GPC6: variants seen among roughly 807,000 people sequenced by gnomAD.
GPC6 encodes glypican-6.
Under a neutral mutation model 55.2 loss-of-function variants are expected in GPC6, and 14 were observed. That is an observed-to-expected ratio of 0.25 (90% CI 0.17 to 0.40). GPC6 has a LOEUF of 0.40. Ranked by LOEUF, GPC6 falls within the 10% of genes least tolerant of loss-of-function variation. The probability of loss-of-function intolerance (pLI) is 1.00; values close to 1 mark genes in which losing one functional copy is unlikely to be tolerated. For synonymous variants in GPC6, 278 were observed against 259.6 expected, an observed-to-expected ratio of 1.07 and a Z score of -0.68; for missense variants, 641 against 708.5, an observed-to-expected ratio of 0.90 and a Z score of 1.08.
intron 2 of GPC6, among the ~76,000 whole-genome samples, chr13:93,574,804 A>G (rs987797714): frequency 6.6e-6 from 1 of 152,288 alleles, no homozygotes; most frequent in Non-Finnish European, 1.5e-5. Context: ...TGAATATTTC[A>G]TATAAATAGA....
At chr13:93,893,169 C>G (rs1425454689) in intron 3 of GPC6, among the ~76,000 whole-genome samples, 1 of 151,610 alleles carries the variant, frequency 6.6e-6, no homozygotes, top group Non-Finnish European at 1.5e-5. Context: ...AAGCAATTCT[C>G]CTGCCTCAGC....
chr13:93,496,667 C>G (rs1400392042), intron 1 of GPC6, among the ~76,000 whole-genome samples: 1 of 152,166 alleles, frequency 6.6e-6, no homozygotes, highest in Non-Finnish European at 1.5e-5. Flanking sequence ...ACTTTGGAGC[C>G]AGATTGTCTG....
chr13:94,052,410 G>T (rs978006689), intron 4 of GPC6, among the ~76,000 whole-genome samples: 4 of 152,064 alleles, frequency 2.6e-5, no homozygotes, highest in Non-Finnish European at 4.4e-5. Flanking sequence ...AATGCCTAAC[G>T]GTATCATTAT....
chr13:93,716,952 C>T (rs539776445), intron 2 of GPC6, among the ~76,000 whole-genome samples: 1 of 151,702 alleles, frequency 6.6e-6, no homozygotes, highest in South Asian at 2.1e-4. Context: ...CAATTGACTA[C>T]AGTAGTCAGT....
At chr13:94,373,333 G>A (rs540129721) in intron 6 of GPC6, among the ~76,000 whole-genome samples, 32 of 151,870 alleles carry the variant, frequency 2.1e-4, no homozygotes, top group African/African-American at 7.5e-4. Flanking sequence ...TTAGAAGAAT[G>A]TATAACTAGA....
intron 4 of GPC6, among the ~76,000 whole-genome samples, chr13:94,081,730 C>T (rs1885101831): frequency 1.3e-5 from 2 of 152,264 alleles, no homozygotes; most frequent in African/African-American, 4.8e-5. Context: ...ATTTAACTAT[C>T]TTGCTAAGTC....
At chr13:94,111,280 CCT>C (rs1468292159) in intron 4 of GPC6, among the ~76,000 whole-genome samples, 1 of 151,346 alleles carries the variant, frequency 6.6e-6, no homozygotes, top group Non-Finnish European at 1.5e-5. Context: ...CACATATGTT[CCT>C]CTGTTTCTGA....
intron 2 of GPC6, among the ~76,000 whole-genome samples, chr13:93,776,316 C>T (rs1885466299): frequency 1.3e-5 from 2 of 152,156 alleles, no homozygotes; most frequent in Non-Finnish European, 2.9e-5. Flanking sequence ...ACTTTAACAA[C>T]AGCTCTGAAA....
chr13:93,354,589 C>T (rs1880775673), intron 1 of GPC6, among the ~76,000 whole-genome samples: 1 of 147,592 alleles, frequency 6.8e-6, no homozygotes, highest in East Asian at 2.1e-4. Flanking sequence ...TGGTCTCGAT[C>T]TCCTGACCTC....
intron 2 of GPC6, among the ~76,000 whole-genome samples, chr13:93,557,838 G>A (rs1318818715): frequency 6.6e-6 from 1 of 152,090 alleles, no homozygotes; most frequent in Non-Finnish European, 1.5e-5. Context: ...TTCCCAAAAT[G>A]TATTGGTATT....
chr13:93,912,746 A>AAAAACAAAAC (rs917553079), intron 3 of GPC6, among the ~76,000 whole-genome samples: 2 of 152,196 alleles, frequency 1.3e-5, no homozygotes, highest in Non-Finnish European at 2.9e-5. Context: ...CCGTCTCAAA[A>AAAAACAAAAC]AAAACAAAAC....
At chr13:93,263,502 T>C (rs1470702201) in intron 1 of GPC6, among the ~76,000 whole-genome samples, 1 of 152,112 alleles carries the variant, frequency 6.6e-6, no homozygotes, top group East Asian at 1.9e-4. Flanking sequence ...GTAGCTGGGA[T>C]TACAGGCGTG....
chr13:94,311,743 A>G (rs1291318036), intron 6 of GPC6, among the ~76,000 whole-genome samples: 2 of 152,152 alleles, frequency 1.3e-5, no homozygotes, highest in African/African-American at 2.4e-5. Context: ...GACCAGGGCA[A>G]TTTGGGTGAA....
chr13:94,207,486 A>G (rs998541810), intron 4 of GPC6, among the ~76,000 whole-genome samples: 1 of 152,154 alleles, frequency 6.6e-6, no homozygotes, highest in East Asian at 1.9e-4. Flanking sequence ...ATTCCAACTT[A>G]TATCTGTTAA....
intron 4 of GPC6, among the ~76,000 whole-genome samples, chr13:94,193,487 C>T (rs528660439): frequency 6.6e-6 from 1 of 152,210 alleles, no homozygotes; most frequent in African/African-American, 2.4e-5. Context: ...AAGTGGCACT[C>T]ATAATAACAG....
At chr13:93,494,649 C>A (rs1434784466) in intron 1 of GPC6, among the ~76,000 whole-genome samples, 1 of 152,038 alleles carries the variant, frequency 6.6e-6, no homozygotes, top group East Asian at 1.9e-4. Context: ...CATGATTTTG[C>A]AGCGGCTGGT....
At chr13:93,944,335 T>C (rs879684748) in intron 3 of GPC6, among the ~76,000 whole-genome samples, 2 of 151,938 alleles carry the variant, frequency 1.3e-5, no homozygotes, top group East Asian at 1.9e-4. Context: ...TCCCGAGTAG[T>C]TGGGACTACA....
At chr13:94,161,093 A>C (rs1000489711) in intron 4 of GPC6, among the ~76,000 whole-genome samples, 15 of 152,212 alleles carry the variant, frequency 9.9e-5, no homozygotes, top group Admixed American at 9.2e-4. Context: ...TGTTTGTTTA[A>C]GGTGTTTGCC....
At chr13:93,635,886 A>G (rs1380426347) in intron 2 of GPC6, among the ~76,000 whole-genome samples, 1 of 152,134 alleles carries the variant, frequency 6.6e-6, no homozygotes, top group African/African-American at 2.4e-5. Context: ...TCCTAGTGTG[A>G]GAAAGAGGTT....
Sources: allele counts gnomAD v4.1 joint callset (sites outside exome capture counted in the v4.1 genomes callset), GRCh38; gene constraint gnomAD v4.1.1; transcripts MANE v1.5; gene names NCBI Gene and HGNC (gene_info 2026-07-23, HGNC 2026-07-21).